SMAD4: variants seen among roughly 807,000 people sequenced by gnomAD.
SMAD4 encodes MAD homolog 4.
A neutral mutation model predicts 63.2 loss-of-function variants in SMAD4; 7 were observed. That is an observed-to-expected ratio of 0.11 (90% confidence interval 0.06 to 0.21). The LOEUF (loss-of-function observed/expected upper bound fraction) is 0.21. Ranked by LOEUF, SMAD4 falls within the 10% of genes least tolerant of loss-of-function variation. The pLI, the probability that SMAD4 is intolerant of heterozygous loss-of-function variation, is 1.00. For synonymous variants in SMAD4, 215 were observed against 235.4 expected (o/e 0.91, Z 0.79); for missense variants, 312 against 693.8 (o/e 0.45, Z 6.18).
chr18:51,080,796 C>T lies in SMAD4; in HGVS notation c.*2329C>T, dbSNP rs2144484768. 5.7e-6 allele frequency: 1 copy of T among 174,776 alleles called. No homozygotes were observed. Among genetic ancestry groups the T allele is most frequent in the East Asian group, 1.0e-4 (1 of 9,928 alleles). The allele number at this position is 174,776 out of a possible 1,614,324, so 10.8% of individuals were successfully genotyped here. On this transcript the variant is annotated 3_prime_UTR_variant, in exon 12 of 12. Transcript: ENST00000342988. ...CCTCAAGTGATCCATCCACCTTGGC[C>T]TCCCAAAGTGCTGGGATTACGGGCG...
At chr18:51,047,336 A>G (rs779118698) in intron 2 of SMAD4, 41 bp downstream of exon 2, 2 of 1,596,270 alleles carry the variant, frequency 1.3e-6, no homozygotes, top group East Asian at 4.5e-5. Flanking sequence ...CTATGGTGGC[A>G]GATTTAAAAA....
intron 1 of SMAD4, among the ~76,000 whole-genome samples, chr18:51,033,356 A>G (rs1042312920): frequency 3.9e-5 from 6 of 152,168 alleles, no homozygotes; most frequent in East Asian, 3.9e-4. Context: ...CGCTTGGCTA[A>G]TTTTTGTGTT....
Position 51,083,430 on chromosome 18 carries a change from A to G in SMAD4, c.*4963A>G, listed in dbSNP as rs1482008120. 8.7e-6 allele frequency: 2 copies of G among 229,118 alleles called. No individual in the cohort carries two copies. The highest frequency in any genetic ancestry group is 8.6e-6 in the Non-Finnish European group (1 of 115,652). 14.2% of individuals were successfully genotyped at this position (229,118 alleles called of 1,614,324 possible). ...GGATTTTAACATCAGACTGGAATGA[A>G]TGAATGAAACTTTTTGTCCTTTTTT... is the stretch of plus-strand genomic sequence containing the variant. On this transcript the variant is annotated 3_prime_UTR_variant, in exon 12 of 12. Coordinates refer to ENST00000342988, the MANE Select transcript of SMAD4 (RefSeq NM_005359.6).
In SMAD4 at chr18:51,078,948, A is replaced by AT. The variant is rs1910540159; in HGVS notation, c.*485dup. On this transcript the variant is annotated 3_prime_UTR_variant, in exon 12 of 12. Coordinates refer to ENST00000342988, the MANE Select transcript of SMAD4 (RefSeq NM_005359.6). ...AATAATGTGCCATGTGGGTGAGTTA[A>AT]TTTTACCAAGAGTAACTTTACTCTG... is the stretch of plus-strand genomic sequence containing the variant. 1 of 235,410 alleles carries AT rather than the reference A, an allele frequency of 4.2e-6. No homozygotes were observed. The highest frequency in any genetic ancestry group is 8.4e-6 in the Non-Finnish European group (1 of 119,266). The allele number at this position is 235,410 out of a possible 1,614,324, so 14.6% of individuals were successfully genotyped here.
chr18:51,045,679 A>T (rs964951684), intron 1 of SMAD4, among the ~76,000 whole-genome samples: 1 of 152,220 alleles, frequency 6.6e-6, no homozygotes, highest in Non-Finnish European at 1.5e-5. Context: ...TTGAAAGTGT[A>T]CAATTCAGTG....
intron 1 of SMAD4, among the ~76,000 whole-genome samples, chr18:51,043,433 G>A (rs1410291216): frequency 6.6e-6 from 1 of 152,112 alleles, no homozygotes; most frequent in South Asian, 2.1e-4. Flanking sequence ...TCAGTCATGC[G>A]GCTAGACCTT....
Position 51,083,069 on chromosome 18 carries a change from T to C in SMAD4, c.*4602T>C. ...TTGAGATAGAGAGAAGTGAGTCATA[T>C]TCATATTTTCCCCCTTAGAATAATA... is the stretch of plus-strand genomic sequence containing the variant. On this transcript the variant is annotated 3_prime_UTR_variant, in exon 12 of 12. Coordinates refer to ENST00000342988, the MANE Select transcript of SMAD4 (RefSeq NM_005359.6). The C allele has an allele frequency of 4.4e-6, 1 of 225,108 alleles. No individual in the cohort carries two copies. The allele number at this position is 225,108 out of a possible 1,614,324, so 13.9% of individuals were successfully genotyped here.
In SMAD4 at chr18:51,082,772, C is replaced by G. The variant is rs972212343; in HGVS notation, c.*4305C>G. 5.2e-5 allele frequency: 12 copies of G among 229,990 alleles called. No individual in the cohort carries two copies. In the East Asian group the frequency reaches 7.4e-4, roughly 14 times the overall value. The allele number at this position is 229,990 out of a possible 1,614,324, so 14.2% of individuals were successfully genotyped here. A position where few individuals can be genotyped will look rare whatever the true frequency, so the allele number is the denominator to read the frequency against. On this transcript the variant is annotated 3_prime_UTR_variant, in exon 12 of 12. Coordinates refer to ENST00000342988, the MANE Select transcript of SMAD4 (RefSeq NM_005359.6). ...CCCACTTCCCCTCCTGGTCTCTTCC[C>G]TCTCTGATAATTACCATTCATATGT...
rs532101110 is a variant in SMAD4 at position 51,063,501 on chromosome 18, C to T, written c.956-1922C>T. On this transcript the variant is annotated intron_variant, in intron 8 of 11. Transcript: ENST00000342988. ...TCTCATGGCCCACTGCAGCCCTGAC[C>T]TCCCAGACTTAGGTGATTCTCCCAT... is the stretch of plus-strand genomic sequence containing the variant. Among the ~76,000 whole-genome samples, 11 of 152,254 alleles carry T rather than the reference C, an allele frequency of 7.2e-5. No homozygotes were observed. In the South Asian group the frequency reaches 2.3e-3, roughly 32 times the overall value.
At chr18:51,040,294 C>T (rs1037778532) in intron 1 of SMAD4, among the ~76,000 whole-genome samples, 4 of 151,878 alleles carry the variant, frequency 2.6e-5, no homozygotes, top group East Asian at 1.9e-4. Context: ...CATGGTGATG[C>T]GCCCCTGTAG....
chr18:51,040,578 C>T (rs906699711), intron 1 of SMAD4, among the ~76,000 whole-genome samples: 2 of 152,160 alleles, frequency 1.3e-5, no homozygotes, highest in African/African-American at 4.8e-5. Flanking sequence ...GAAAAAATGT[C>T]AACACTCCTT....
At chr18:51,048,171 T>G (rs1486673412) in intron 2 of SMAD4, among the ~76,000 whole-genome samples, 1 of 152,186 alleles carries the variant, frequency 6.6e-6, no homozygotes, top group East Asian at 1.9e-4. Flanking sequence ...TTTATTTTAT[T>G]TTTTTGAGAC....
intron 10 of SMAD4, among the ~76,000 whole-genome samples, chr18:51,068,442 A>G (rs1169150480): frequency 2.0e-5 from 3 of 152,322 alleles, no homozygotes; most frequent in Admixed American, 6.5e-5. Context: ...TCACAAATCT[A>G]TACAGACTTC....
chr18:51,063,242 TA>T (rs1387517889), intron 8 of SMAD4, among the ~76,000 whole-genome samples: 1 of 152,146 alleles, frequency 6.6e-6, no homozygotes, highest in Non-Finnish European at 1.5e-5. Context: ...TAAGTGTTGT[TA>T]CTGTTTTTTG....
intron 7 of SMAD4, 82 bp downstream of exon 7, chr18:51,058,538 T>C: frequency 1.1e-6 from 1 of 923,872 alleles, no homozygotes; most frequent in Non-Finnish European, 1.7e-6. Flanking sequence ...AAAATGTTTT[T>C]ACATCTTTTA....
At chr18:51,073,526 G>C (rs1396378844) in intron 10 of SMAD4, among the ~76,000 whole-genome samples, 6 of 150,998 alleles carry the variant, frequency 4.0e-5, no homozygotes, top group Non-Finnish European at 7.4e-5. Flanking sequence ...TAATATAAGA[G>C]AAAAAGTGAG....
Position 51,047,510 on chromosome 18 carries a change from A to G in SMAD4, c.249+215A>G, listed in dbSNP as rs16952779. ...AATGTTCTACTCAGAAAAATGTTCA[A>G]TGGAGAAAATTTGGAAAATAAAAAT... On this transcript the variant is annotated intron_variant, in intron 2 of 11. Coordinates refer to ENST00000342988, the MANE Select transcript of SMAD4 (RefSeq NM_005359.6). Among the ~76,000 whole-genome samples the G allele has an allele frequency of 0.03, 4,522 of 152,326 alleles. 264 individuals carry two copies. Among genetic ancestry groups the G allele is most frequent in the African/African-American group, 0.1 (4,232 of 41,558 alleles).
chr18:51,067,473 C>T (rs1910197217), intron 10 of SMAD4, among the ~76,000 whole-genome samples: 3 of 151,944 alleles, frequency 2.0e-5, no homozygotes, highest in African/African-American at 7.3e-5. Flanking sequence ...AATGCAGTGG[C>T]GTGATCTCGG....
intron 1 of SMAD4, among the ~76,000 whole-genome samples, chr18:51,042,801 A>G (rs545796647): frequency 6.6e-6 from 1 of 152,334 alleles, no homozygotes; most frequent in Non-Finnish European, 1.5e-5. Context: ...TCCTGGGCTC[A>G]AGCAGTCCTC....
Sources: allele counts gnomAD v4.1 joint callset (sites outside exome capture counted in the v4.1 genomes callset), GRCh38; gene constraint gnomAD v4.1.1; transcripts MANE v1.5; gene names NCBI Gene and HGNC (gene_info 2026-07-23, HGNC 2026-07-21).